SDF4: variants seen among roughly 807,000 people sequenced by gnomAD.
The protein encoded by SDF4 is 45 kDa calcium-binding protein.
A neutral mutation model predicts 34.2 loss-of-function variants in SDF4; 22 were observed. The ratio of observed to expected loss-of-function variants is 0.64; its 90% CI spans 0.46 to 0.92. SDF4 has a LOEUF of 0.92. Among genes scored for constraint, SDF4 ranks in the 40% least tolerant of loss-of-function variants. SDF4 has a pLI of 0.00. For synonymous variants in SDF4, 236 were observed against 203.1 expected, an observed-to-expected ratio of 1.16 and a Z score of -1.38; for missense variants, 447 against 499.9, an observed-to-expected ratio of 0.89 and a Z score of 1.01.
rs1257858607 is a variant in SDF4, at chr1:1,217,462, G to A, written c.*50C>T. 2 of 1,381,634 alleles carry A rather than the reference G, an allele frequency of 1.4e-6. No homozygotes were observed. Among genetic ancestry groups the A allele is most frequent in the Non-Finnish European group, 1.9e-6 (2 of 1,065,026 alleles). 85.6% of individuals were successfully genotyped at this position (1,381,634 alleles called of 1,614,324 possible). A position where few individuals can be genotyped will look rare whatever the true frequency, so the allele number is the denominator to read the frequency against. ...AGCCACGGAGCCCGGAGTCACCCGC[G>A]AGGCCGCCCCGGTGGTGCGTGGGGG... On this transcript the variant is annotated 3_prime_UTR_variant, in exon 7 of 7. Coordinates refer to ENST00000360001, the MANE Select transcript of SDF4 (RefSeq NM_016176.6). The surrounding 1 kb of genome is among the most constrained non-coding windows in gnomAD (Gnocchi z 8.5).
chr1:1,218,638 G>A lies in SDF4; in HGVS notation c.716-5C>T, dbSNP rs371152927. On this transcript the variant is annotated splice_polypyrimidine_tract_variant and splice_region_variant and intron_variant, in intron 5 of 6. Transcript: ENST00000360001. This position sits in a 1 kb window ranked among gnomAD's most constrained non-coding sequence, Gnocchi z 7.9. ...GCTGCTTGTCACCGTCCTGGTCTGC[G>A]AGACGGGAATGGGTCAGCCCACACC... 14 of 1,613,588 alleles carry A rather than the reference G, an allele frequency of 8.7e-6. No individual in the cohort carries two copies. In the Admixed American group the frequency reaches 1.0e-4, roughly 12 times the overall value.
intron 4 of SDF4, chr1:1,220,710 TAGGTCC>T: frequency 7.8e-7 from 1 of 1,288,498 alleles, no homozygotes; most frequent in Non-Finnish European, 1.0e-6. Context: ...CACAGAGCTC[TAGGTCC>T]AGGTGGGCCA....
intron 2 of SDF4, among the ~76,000 whole-genome samples, chr1:1,224,923 A>T (rs1638247149): frequency 6.6e-6 from 1 of 152,212 alleles, no homozygotes; most frequent in Non-Finnish European, 1.5e-5. Context: ...AAAACAAGAC[A>T]AAACAAAATC....
At chr1:1,227,107 G>C (rs573256595) in intron 2 of SDF4, among the ~76,000 whole-genome samples, 1 of 152,124 alleles carries the variant, frequency 6.6e-6, no homozygotes, top group African/African-American at 2.4e-5. Context: ...CCTGTGCTCC[G>C]CCCGAAAGCC....
At chr1:1,231,585 C>G (rs544228185) in intron 1 of SDF4, among the ~76,000 whole-genome samples, 1 of 152,360 alleles carries the variant, frequency 6.6e-6, no homozygotes, top group African/African-American at 2.4e-5. Flanking sequence ...GGTCGCCTCG[C>G]CGATAAACGC....
chr1:1,222,429 G>A (rs529305032), intron 4 of SDF4, among the ~76,000 whole-genome samples: 162 of 142,430 alleles, frequency 1.1e-3, no homozygotes, highest in African/African-American at 3.6e-3. Flanking sequence ...GACCCGCCCA[G>A]GGCTGAGGCT....
At position 1,228,870 on chromosome 1, in the gene SDF4, C is replaced by CCA. The variant is rs113252340; in HGVS notation, c.-100_-99dup. 8.9e-3 allele frequency: 10,117 copies of CCA among 1,141,984 alleles called. 659 individuals are homozygous for CCA. The African/African-American group carries it at 0.14, about 16-fold the overall frequency. The allele number at this position is 1,141,984 out of a possible 1,614,324, so 70.7% of individuals were successfully genotyped here. On this transcript the variant is annotated 5_prime_UTR_variant, in exon 2 of 7. Transcript: ENST00000360001. ...CAGAGGAGGAAGTGAGGTCCTGGCT[C>CCA]CAATCCAATCCCCGGGCACCACGGA...
rs182022102 is a variant in SDF4 at position 1,228,387 on chromosome 1, C to T, written c.305+81G>A. 7,218 of 1,423,772 alleles carry T rather than the reference C, an allele frequency of 5.1e-3. 697 individuals carry two copies. In the Admixed American group the frequency reaches 0.16, roughly 31 times the overall value. The allele number at this position is 1,423,772 out of a possible 1,614,324, so 88.2% of individuals were successfully genotyped here. A position where few individuals can be genotyped will look rare whatever the true frequency, so the allele number is the denominator to read the frequency against. ...GTCCCGACACAGGGCCCGGCGCCCC[C>T]CACCGCGCAAAGCCAGGATAGGAAC... is the stretch of plus-strand genomic sequence containing the variant. On this transcript the variant is annotated intron_variant, in intron 2 of 6. Transcript: ENST00000360001.
chr1:1,227,979 CG>C (rs1489384279), intron 2 of SDF4, among the ~76,000 whole-genome samples: 7 of 152,204 alleles, frequency 4.6e-5, no homozygotes, highest in African/African-American at 1.2e-4. Context: ...GTGTGATACG[CG>C]GCCCGTGTGT....
At chr1:1,225,355 C>T (rs911989036) in intron 2 of SDF4, among the ~76,000 whole-genome samples, 3 of 152,160 alleles carry the variant, frequency 2.0e-5, no homozygotes, top group Non-Finnish European at 2.9e-5. Flanking sequence ...GCCGCGGCCA[C>T]GTTATGAGGT....
chr1:1,223,785 T>TCCCCCCCCCCCCCCCCCCCCCC, intron 3 of SDF4, 47 bp downstream of exon 3: 1 of 552,546 alleles, frequency 1.8e-6, no homozygotes, highest in Non-Finnish European at 3.2e-6. Flanking sequence ...CCCATGGCCC[T>TCCCCCCCCCCCCCCCCCCCCCC]GCCCGCCCCG....
At chr1:1,222,500 C>T (rs1049405886) in intron 4 of SDF4, among the ~76,000 whole-genome samples, 1 of 152,208 alleles carries the variant, frequency 6.6e-6, no homozygotes, top group African/African-American at 2.4e-5. Context: ...GGGACCTGAC[C>T]GCTCTCTGGT....
intron 2 of SDF4, 31 bp downstream of exon 2, chr1:1,228,437 C>G (rs753857566): frequency 1.7e-4 from 259 of 1,542,424 alleles, no homozygotes; most frequent in Non-Finnish European, 2.2e-4. Context: ...ACGCGGACAG[C>G]CCCCCAGTCT....
At chr1:1,219,128 G>A (rs1649737902) in intron 4 of SDF4, 14 of 1,485,644 alleles carry the variant, frequency 9.4e-6, no homozygotes, top group Non-Finnish European at 1.3e-5. Context: ...ATAACCCAGA[G>A]CCTCCCACAG....
Position 1,228,723 on chromosome 1 carries a change from C to T in SDF4, c.50G>A (p.Trp17Ter), listed in dbSNP as rs561933409. ...PLIGLAPCCL[W>*]LLGAVLLMDA... ...CATCAGAAGGACTGCCCCCAGGAGC[C>T]AGAGGCAGCACGGAGCCAGGCCAAT... is the stretch of plus-strand genomic sequence containing the variant. The change falls in exon 2 of 7, where the codon TGG becomes TAG. Residue 17 changes from tryptophan to a stop codon, truncating the protein, a stop_gained. Coordinates refer to ENST00000360001, the MANE Select transcript of SDF4 (RefSeq NM_016176.6). LOFTEE classifies it high-confidence loss of function. 1 of 1,612,814 alleles carries T rather than the reference C, an allele frequency of 6.2e-7. No individual in the cohort carries two copies. The highest frequency in any genetic ancestry group is 1.1e-5 in the South Asian group (1 of 91,084).
chr1:1,231,531 A>AGAAGCG (rs2100991304), intron 1 of SDF4, among the ~76,000 whole-genome samples: 1 of 152,396 alleles, frequency 6.6e-6, no homozygotes, highest in African/African-American at 2.4e-5. Context: ...CACGCGGTTC[A>AGAAGCG]GAAGCGGAAG....
In SDF4 at chr1:1,218,739, G is replaced by A. The variant is rs755189193; in HGVS notation, c.715+30C>T. 3 of 1,612,286 alleles carry A rather than the reference G, an allele frequency of 1.9e-6. No individual in the cohort carries two copies. The South Asian group carries it at 3.3e-5, about 18-fold the overall frequency. On this transcript the variant is annotated intron_variant, in intron 5 of 6. Coordinates refer to ENST00000360001, the MANE Select transcript of SDF4 (RefSeq NM_016176.6). This position sits in a 1 kb window ranked among gnomAD's most constrained non-coding sequence, Gnocchi z 7.9. ...CCCTGCCAGTCGGTCCTGGGTCCTG[G>A]CGTGCCGGCCAGGCTGGACCCAGCC...
chr1:1,227,706 G>A (rs893214270), intron 2 of SDF4, among the ~76,000 whole-genome samples: 7 of 152,198 alleles, frequency 4.6e-5, no homozygotes, highest in African/African-American at 1.2e-4. Flanking sequence ...CGGCCGTGCC[G>A]TAAGGAGTAA....
intron 2 of SDF4, among the ~76,000 whole-genome samples, chr1:1,225,055 C>T (rs904261759): frequency 6.6e-6 from 1 of 152,216 alleles, no homozygotes; most frequent in Non-Finnish European, 1.5e-5. Context: ...GACACGGGGC[C>T]AGCGCAGGCC....
Sources: gnomAD v4.1 joint callset for allele counts (sites outside exome capture counted in the v4.1 genomes callset) on GRCh38, gnomAD v4.1.1 for gene constraint, Gnocchi (gnomAD v3.1) non-coding constraint, MANE v1.5 for transcripts, NCBI Gene and HGNC (gene_info 2026-07-23, HGNC 2026-07-21) for gene names.